SMYD4: variants seen among roughly 807,000 people sequenced by gnomAD.
The protein encoded by SMYD4 is protein-lysine N-methyltransferase SMYD4.
In SMYD4, 68 loss-of-function variants were observed where a neutral mutation model predicts 72.8. The ratio of observed to expected loss-of-function variants is 0.93; its 90% CI spans 0.77 to 1.14. SMYD4 has a LOEUF of 1.14. Among genes scored for constraint, SMYD4 ranks in the 50% most tolerant of loss-of-function variants. The pLI, the probability that SMYD4 is intolerant of heterozygous loss-of-function variation, is 0.00. For missense variants in SMYD4, 984 were observed against 1,003.7 expected, an observed-to-expected ratio of 0.98 and a Z score of 0.27; for synonymous variants, 407 against 388.6, an observed-to-expected ratio of 1.05 and a Z score of -0.56.
intron 2 of SMYD4, among the ~76,000 whole-genome samples, chr17:1,812,545 CTTTTTTT>C (rs71150818): frequency 7.8e-5 from 5 of 63,702 alleles, no homozygotes; most frequent in Admixed American, 4.2e-4. Context: ...AGCAGAATTT[CTTTTTTT>C]TTTTTTTTTT....
intron 2 of SMYD4, among the ~76,000 whole-genome samples, chr17:1,827,160 A>T (rs1911222231): frequency 6.6e-6 from 1 of 151,808 alleles, no homozygotes; most frequent in African/African-American, 2.4e-5. Context: ...GTCAAAAAAA[A>T]TAAAATAAAA....
rs1909703605 is a variant in SMYD4, at chr17:1,800,863, T to C, written c.531A>G (p.Pro177=). Residue 177 remains proline (P), a synonymous_variant, in exon 5 of 11, where the codon CCA becomes CCG. Transcript: ENST00000305513. ...TCTGAGGGAGGACATCTGCTAGGGCTGGTGTGGCTGTGAAGTTCCTTTCAA... is the reference window on the plus strand; with the variant it reads ...TCTGAGGGAGGACATCTGCTAGGGCCGGTGTGGCTGTGAAGTTCCTTTCAA... ...SDLERNFTAT[P]ALADVLPQTL... 3.1e-6 allele frequency: 5 copies of C among 1,614,208 alleles called. No homozygotes were observed. The East Asian group carries it at 1.1e-4, about 36-fold the overall frequency.
intron 10 of SMYD4, 39 bp downstream of exon 10, chr17:1,782,995 AG>A (rs1336276934): frequency 6.3e-7 from 1 of 1,579,868 alleles, no homozygotes; most frequent in Admixed American, 2.1e-5. Flanking sequence ...AGCCTAGGAA[AG>A]GAACAGTGTG....
At chr17:1,794,081 G>GTATA (rs1226883815) in intron 5 of SMYD4, among the ~76,000 whole-genome samples, 229 of 17,062 alleles carry the variant, frequency 0.013, 4 homozygotes, top group East Asian at 0.029. Flanking sequence ...ATATATATGT[G>GTATA]TATATATATA....
chr17:1,786,722 C>A (rs992094902), intron 7 of SMYD4, 88 bp downstream of exon 7: 17 of 1,531,504 alleles, frequency 1.1e-5, no homozygotes, highest in Non-Finnish European at 1.4e-5. Flanking sequence ...ACTTACAAGT[C>A]CCTGATGGCT....
intron 7 of SMYD4, among the ~76,000 whole-genome samples, chr17:1,785,568 C>T (rs1004361973): frequency 1.3e-5 from 2 of 151,570 alleles, no homozygotes; most frequent in African/African-American, 4.8e-5. Context: ...GCCTGGCCAA[C>T]ATGGAGAACA....
intron 4 of SMYD4, among the ~76,000 whole-genome samples, chr17:1,802,708 G>A (rs116170561): frequency 1.3e-5 from 2 of 152,112 alleles, no homozygotes; most frequent in Admixed American, 1.3e-4. Context: ...CAACCCTAGG[G>A]TATAATTTGA....
intron 5 of SMYD4, among the ~76,000 whole-genome samples, chr17:1,795,568 G>A (rs1014309169): frequency 3.3e-5 from 5 of 151,976 alleles, no homozygotes; most frequent in Admixed American, 2.0e-4. Flanking sequence ...TTAGCCTCCC[G>A]TGTAGCTGGG....
intron 1 of SMYD4, among the ~76,000 whole-genome samples, chr17:1,828,753 C>T (rs779749870): frequency 3.7e-4 from 56 of 151,938 alleles, no homozygotes; most frequent in Non-Finnish European, 6.6e-4. Flanking sequence ...CGCGCAACTA[C>T]GCCCGGCTAA....
At chr17:1,808,445 CG>C (rs1414935097) in intron 3 of SMYD4, among the ~76,000 whole-genome samples, 1 of 151,860 alleles carries the variant, frequency 6.6e-6, no homozygotes, top group Non-Finnish European at 1.5e-5. Flanking sequence ...GCTGGATGGA[CG>C]TAAGCAAAAA....
chr17:1,791,211 C>G (rs1035325822), intron 5 of SMYD4, among the ~76,000 whole-genome samples: 1 of 151,044 alleles, frequency 6.6e-6, no homozygotes, highest in Admixed American at 6.6e-5. Flanking sequence ...GACACAGAAC[C>G]CCAATAAAAT....
chr17:1,803,637 T>G (rs1387355533), intron 4 of SMYD4, among the ~76,000 whole-genome samples: 1 of 151,256 alleles, frequency 6.6e-6, no homozygotes, highest in African/African-American at 2.4e-5. Flanking sequence ...GTAGCTGGGA[T>G]TACAGGCGCC....
chr17:1,784,979 G>A (rs1225782622), intron 7 of SMYD4, among the ~76,000 whole-genome samples: 4 of 149,974 alleles, frequency 2.7e-5, no homozygotes, highest in African/African-American at 9.8e-5. Context: ...AGTAGAGACG[G>A]GGTTTCACCG....
intron 8 of SMYD4, 137 bp downstream of exon 8, chr17:1,784,189 T>C (rs1908525530): frequency 1.0e-5 from 14 of 1,367,806 alleles, no homozygotes; most frequent in South Asian, 2.7e-5. Context: ...CACTGGCCTA[T>C]ATAGCCATCT....
Position 1,781,402 on chromosome 17 carries a change from C to T in SMYD4, c.2299G>A (p.Ala767Thr), listed in dbSNP as rs1380128158. The change falls in exon 11 of 11, where the codon GCT becomes ACT. Residue 767 changes from alanine to threonine, a missense_variant. Coordinates refer to ENST00000305513, the MANE Select transcript of SMYD4 (RefSeq NM_052928.3). Reference sequence around the variant, plus strand: ...CAGTGCAGCGACAGAACCTCCTCAGCTTTCTGTATTGTGCTCAGGGCTTCG... The same window carrying T: ...CAGTGCAGCGACAGAACCTCCTCAGTTTTCTGTATTGTGCTCAGGGCTTCG... ...VPEALSTIQK[A>T]EEVLSLHCGP... The T allele has an allele frequency of 6.2e-7, 1 of 1,614,144 alleles. No homozygotes were observed. The highest frequency in any genetic ancestry group is 8.5e-7 in the Non-Finnish European group (1 of 1,180,024).
Position 1,803,769 on chromosome 17 carries a change from G to A in SMYD4, c.369+857C>T, listed in dbSNP as rs143366690. On this transcript the variant is annotated intron_variant, in intron 4 of 10. Transcript: ENST00000305513. ...CTGCCTTGGCCTCCCAAAGTGCTGGGATTACAGGCGTGAACCACCATGCCT... is the reference window on the plus strand; with the variant it reads ...CTGCCTTGGCCTCCCAAAGTGCTGGAATTACAGGCGTGAACCACCATGCCT... Among the ~76,000 whole-genome samples the A allele has an allele frequency of 7.2e-5, 11 of 152,168 alleles. No individual in the cohort carries two copies. The East Asian group carries it at 2.1e-3, about 29-fold the overall frequency.
Position 1,800,711 on chromosome 17 carries a change from A to G in SMYD4, c.683T>C (p.Leu228Pro). 6.2e-7 allele frequency: 1 copy of G among 1,614,232 alleles called. No homozygotes were observed. The highest frequency in any genetic ancestry group is 8.5e-7 in the Non-Finnish European group (1 of 1,180,046). The change falls in exon 5 of 11, where the codon CTT (leucine) becomes CCT (proline). Residue 228 changes from leucine (L) to proline (P), a missense_variant. Transcript: ENST00000305513. ...GCCGATGGATGATGAGGCATTGGAA[A>G]GTTGTTCATTCTCCTCCCTCAGCGC... Reference protein sequence around the residue: ...DAALREENEQLSNASSSIGLC... With the variant: ...DAALREENEQPSNASSSIGLC...
At chr17:1,828,675 G>T (rs1233075188) in intron 1 of SMYD4, among the ~76,000 whole-genome samples, 1 of 148,848 alleles carries the variant, frequency 6.7e-6, no homozygotes, top group Non-Finnish European at 1.5e-5. Context: ...TCGGCTCACT[G>T]CACCCTCCGC....
At chr17:1,828,097 T>C (rs1472875644) in intron 1 of SMYD4, 91 bp from the exon 2 acceptor site, 6 of 1,337,282 alleles carry the variant, frequency 4.5e-6, no homozygotes, top group East Asian at 2.4e-5. Context: ...ACACCTGTAA[T>C]CCCAGCACTT....
Sources: gnomAD v4.1 joint callset for allele counts (sites outside exome capture counted in the v4.1 genomes callset) on GRCh38, gnomAD v4.1.1 for gene constraint, MANE v1.5 for transcripts, NCBI Gene and HGNC (gene_info 2026-07-23, HGNC 2026-07-21) for gene names.